The following NRG3 variants were observed in gnomAD, a reference collection of about 807,000 sequenced individuals.
The protein encoded by NRG3 is neuregulin 3, also known as pro-neuregulin-3, membrane-bound isoform.
In NRG3, 31 loss-of-function variants were observed where a neutral mutation model predicts 66.9. That is an observed-to-expected ratio of 0.46 (90% CI 0.35 to 0.63). The LOEUF (loss-of-function observed/expected upper bound fraction) is 0.63. Among genes scored for constraint, NRG3 ranks in the 20% least tolerant of loss-of-function variants. NRG3 has a pLI of 0.00. For synonymous variants in NRG3, 393 were observed against 359.4 expected, an observed-to-expected ratio of 1.09 and a Z score of -1.06; for missense variants, 910 against 878.9, an observed-to-expected ratio of 1.04 and a Z score of -0.45.
At chr10:82,653,818 G>T (rs186512408) in intron 2 of NRG3, among the ~76,000 whole-genome samples, 1 of 152,276 alleles carries the variant, frequency 6.6e-6, no homozygotes, top group Non-Finnish European at 1.5e-5. Flanking sequence ...GCCTCATCAA[G>T]TTGGGATAAA....
At chr10:82,978,709 A>C (rs1852540834) in intron 7 of NRG3, among the ~76,000 whole-genome samples, 1 of 152,296 alleles carries the variant, frequency 6.6e-6, no homozygotes, top group African/African-American at 2.4e-5. Flanking sequence ...TCATGCTCTA[A>C]CCTAGAAAGC....
At chr10:82,450,226 C>T (rs980894962) in intron 2 of NRG3, among the ~76,000 whole-genome samples, 1 of 152,120 alleles carries the variant, frequency 6.6e-6, no homozygotes, top group Non-Finnish European at 1.5e-5. Flanking sequence ...CCCCATGGGC[C>T]TCTCTTTGGG....
At chr10:82,042,019 T>G (rs577792732) in intron 1 of NRG3, among the ~76,000 whole-genome samples, 2 of 152,128 alleles carry the variant, frequency 1.3e-5, no homozygotes, top group Non-Finnish European at 2.9e-5. Flanking sequence ...CCCAGATTCT[T>G]TGAGTCCAAG....
At chr10:82,378,652 C>A (rs1254388980) in intron 2 of NRG3, among the ~76,000 whole-genome samples, 1 of 152,046 alleles carries the variant, frequency 6.6e-6, no homozygotes, top group African/African-American at 2.4e-5. Flanking sequence ...CTCACTGCAA[C>A]CTCCACCTCC....
chr10:82,692,404 T>C (rs1238671662), intron 2 of NRG3, among the ~76,000 whole-genome samples: 3 of 152,192 alleles, frequency 2.0e-5, no homozygotes, highest in Non-Finnish European at 4.4e-5. Flanking sequence ...TTCAATGATA[T>C]TGATACAAGA....
intron 3 of NRG3, among the ~76,000 whole-genome samples, chr10:82,808,018 A>G (rs1565337430): frequency 6.6e-6 from 1 of 152,060 alleles, no homozygotes; most frequent in South Asian, 2.1e-4. Flanking sequence ...ATTTTCTCCA[A>G]TAAATTGACT....
chr10:82,951,169 G>A (rs1923574), intron 4 of NRG3, among the ~76,000 whole-genome samples: 140,746 of 152,236 alleles, frequency 0.92, 65,101 homozygotes, highest in Middle Eastern at 0.98. Flanking sequence ...CAATTTCACA[G>A]GCTTATGTCC....
intron 1 of NRG3, among the ~76,000 whole-genome samples, chr10:82,286,274 G>A (rs1482020530): frequency 6.6e-6 from 1 of 152,186 alleles, no homozygotes; most frequent in African/African-American, 2.4e-5. Context: ...TAGTGAAAAA[G>A]TAGCAACTAT....
chr10:82,535,997 TA>T lies in NRG3; in HGVS notation c.953+177131del, dbSNP rs528170168. On this transcript the variant is annotated intron_variant, in intron 2 of 8. Transcript: ENST00000372141. ...ACCTTATTTCATCCTGGACAATCCT[TA>T]AGCTGAGATATTCGCCAAATGGCAT... Among the ~76,000 whole-genome samples, 24 of 152,020 alleles carry T rather than the reference TA, an allele frequency of 1.6e-4. 1 individual carries two copies. The South Asian group carries it at 5.0e-3, about 32-fold the overall frequency.
intron 2 of NRG3, among the ~76,000 whole-genome samples, chr10:82,580,497 T>G (rs1156449297): frequency 6.6e-6 from 1 of 151,926 alleles, no homozygotes; most frequent in Non-Finnish European, 1.5e-5. Flanking sequence ...ACCATCAGAG[T>G]ATAACACAGA....
At chr10:82,935,436 GAAATA>G (rs2132207000) in intron 4 of NRG3, among the ~76,000 whole-genome samples, 1 of 152,184 alleles carries the variant, frequency 6.6e-6, no homozygotes, top group African/African-American at 2.4e-5. Context: ...GGCAATAGTA[GAAATA>G]AAATAAATGT....
intron 3 of NRG3, among the ~76,000 whole-genome samples, chr10:82,797,161 C>T (rs1420172445): frequency 6.6e-6 from 1 of 152,116 alleles, no homozygotes. Context: ...GTCTTTCCTG[C>T]TCTGGACTCT....
chr10:82,607,889 C>G (rs1402595079), intron 2 of NRG3, among the ~76,000 whole-genome samples: 1 of 152,072 alleles, frequency 6.6e-6, no homozygotes, highest in African/African-American at 2.4e-5. Context: ...CCCTTCTAGC[C>G]CTTATAACAT....
chr10:82,948,018 CTA>C (rs1849176773), intron 4 of NRG3, among the ~76,000 whole-genome samples: 1 of 151,700 alleles, frequency 6.6e-6, no homozygotes, highest in African/African-American at 2.4e-5. Context: ...AGATTTTTTC[CTA>C]TGTTTTCTTC....
chr10:82,483,455 G>A (rs978844416), intron 2 of NRG3, among the ~76,000 whole-genome samples: 1 of 152,166 alleles, frequency 6.6e-6, no homozygotes, highest in Non-Finnish European at 1.5e-5. Context: ...CTTTCAAATG[G>A]TAATTCTTGT....
At chr10:82,120,264 T>C (rs973232543) in intron 1 of NRG3, among the ~76,000 whole-genome samples, 1 of 152,002 alleles carries the variant, frequency 6.6e-6, no homozygotes, top group Admixed American at 6.6e-5. Flanking sequence ...GTATAGGCAA[T>C]AATGGAAAGA....
chr10:82,511,405 T>C (rs1191414098), intron 2 of NRG3, among the ~76,000 whole-genome samples: 1 of 152,182 alleles, frequency 6.6e-6, no homozygotes, highest in Admixed American at 6.5e-5. Context: ...CTACGTATTC[T>C]CTGTATGATG....
intron 1 of NRG3, among the ~76,000 whole-genome samples, chr10:82,173,664 T>G (rs1320424067): frequency 9.5e-6 from 1 of 104,834 alleles, no homozygotes; most frequent in Non-Finnish European, 2.1e-5. Context: ...CAGAGATGTA[T>G]GCATATGTGA....
At chr10:82,199,447 A>G (rs2074651884) in intron 1 of NRG3, among the ~76,000 whole-genome samples, 2 of 152,176 alleles carry the variant, frequency 1.3e-5, no homozygotes, top group South Asian at 4.1e-4. Context: ...TTCATGCTTT[A>G]AATACCAGAT....
Sources: gnomAD v4.1 joint callset for allele counts (sites outside exome capture counted in the v4.1 genomes callset) on GRCh38, gnomAD v4.1.1 for gene constraint, MANE v1.5 for transcripts, NCBI Gene and HGNC (gene_info 2026-07-23, HGNC 2026-07-21) for gene names.